Variants in KRT86 observed in about 807,000 individuals in gnomAD.
KRT86 encodes the protein keratin, type II cuticular Hb6.
Under a neutral mutation model 41.2 loss-of-function variants are expected in KRT86, and 30 were observed. That is an observed-to-expected ratio of 0.73 (90% CI 0.54 to 0.99). The LOEUF is 0.99. Among genes scored for constraint, KRT86 ranks in the 50% least tolerant of loss-of-function variants. KRT86 has a pLI of 0.00. For synonymous variants in KRT86, 238 were observed against 238.1 expected, an observed-to-expected ratio of 1.00 and a Z score of 0.00; for missense variants, 561 against 571.4, an observed-to-expected ratio of 0.98 and a Z score of 0.19.
intron 2 of KRT86, chr12:52,301,700 TG>T: frequency 5.1e-6 from 2 of 390,578 alleles, no homozygotes; most frequent in Non-Finnish European, 7.0e-6. Flanking sequence ...TGGCTGCTTC[TG>T]GGCACCAATT....
At chr12:52,295,755 A>G (rs148579908) in intron 2 of KRT86, among the ~76,000 whole-genome samples, 156 of 152,292 alleles carry the variant, frequency 1.0e-3, no homozygotes, top group Middle Eastern at 3.4e-3. Context: ...CTCAATAAAT[A>G]TTTTTTGAAT....
chr12:52,287,650 C>T, intron 2 of KRT86: 1 of 1,613,952 alleles, frequency 6.2e-7, no homozygotes, highest in East Asian at 2.2e-5. Context: ...TGCGGTTCAG[C>T]TCATTGATCT....
intron 2 of KRT86, among the ~76,000 whole-genome samples, chr12:52,282,527 C>T (rs530678300): frequency 3.3e-5 from 5 of 152,354 alleles, no homozygotes; most frequent in Admixed American, 2.0e-4. Flanking sequence ...TGAGCCACCG[C>T]GCCCGGCCAA....
chr12:52,278,140 A>C (rs920655563), intron 2 of KRT86, among the ~76,000 whole-genome samples: 8 of 152,164 alleles, frequency 5.3e-5, no homozygotes, highest in Non-Finnish European at 1.2e-4. Flanking sequence ...CTCAGTAGAC[A>C]ACAGTAGGAG....
chr12:52,306,605 A>G, intron 9 of KRT86: 1 of 485,090 alleles, frequency 2.1e-6, no homozygotes, highest in South Asian at 2.3e-5. Flanking sequence ...CTGTAGCTGC[A>G]TGTGCTTCTC....
intron 9 of KRT86, among the ~76,000 whole-genome samples, chr12:52,307,592 G>C (rs1280478905): frequency 1.3e-5 from 2 of 152,234 alleles, no homozygotes; most frequent in African/African-American, 4.8e-5. Flanking sequence ...GCCCTGCCTT[G>C]TCATTGGATA....
At chr12:52,288,307 C>A (rs1233352940) in intron 2 of KRT86, 49 of 1,611,596 alleles carry the variant, frequency 3.0e-5, no homozygotes, top group Non-Finnish European at 4.0e-5. Context: ...ACTCCCACCC[C>A]CAACTCTCCT....
intron 2 of KRT86, among the ~76,000 whole-genome samples, chr12:52,299,818 A>G (rs988639533): frequency 5.9e-5 from 9 of 152,278 alleles, no homozygotes; most frequent in African/African-American, 2.2e-4. Context: ...GAGTTGTTTG[A>G]GTTCCTTATA....
At chr12:52,301,361 T>C (rs193183064) in intron 2 of KRT86, among the ~76,000 whole-genome samples, 1 of 152,120 alleles carries the variant, frequency 6.6e-6, no homozygotes, top group African/African-American at 2.4e-5. Context: ...TCTGTAAACG[T>C]GGGTCTTTTG....
At chr12:52,296,567 C>G (rs1235603657) in intron 2 of KRT86, among the ~76,000 whole-genome samples, 1 of 152,194 alleles carries the variant, frequency 6.6e-6, no homozygotes, top group Non-Finnish European at 1.5e-5. Flanking sequence ...GGCCTTCTGG[C>G]CCTTTGTCCA....
At position 52,308,254 on chromosome 12, in the gene KRT86, G is replaced by T; in HGVS notation, c.1269G>T (p.Ser423=). The change falls in exon 10 of 11, where the codon TCG becomes TCT. Residue 423 remains serine (S), a synonymous_variant. Coordinates refer to ENST00000423955, the MANE Select transcript of KRT86 (RefSeq NM_001320198.2). ...GCAGGCTGTGCGAGGGCGTCGGCTCGGTGAATGTCTGTAAGTAGTGGGGTC... is the reference window on the plus strand; with the variant it reads ...GCAGGCTGTGCGAGGGCGTCGGCTCTGTGAATGTCTGTAAGTAGTGGGGTC... The part of the protein sequence containing the change: ...EEQRLCEGVG[S]VNVCVSSSRG... 4.3e-6 allele frequency: 7 copies of T among 1,614,202 alleles called. No individual in the cohort carries two copies. The highest frequency in any genetic ancestry group is 5.9e-6 in the Non-Finnish European group (7 of 1,180,046).
At chr12:52,292,741 G>A (rs1938160059) in intron 2 of KRT86, among the ~76,000 whole-genome samples, 1 of 152,054 alleles carries the variant, frequency 6.6e-6, no homozygotes, top group South Asian at 2.1e-4. Flanking sequence ...GGCTGGATTA[G>A]GTTTAAATTA....
Position 52,275,802 on chromosome 12 carries a change from T to C in KRT86, c.-130-19T>C. 1.0e-6 allele frequency: 1 copy of C among 985,378 alleles called. No individual in the cohort carries two copies. The highest frequency in any genetic ancestry group is 1.2e-6 in the Non-Finnish European group (1 of 829,470). The allele number at this position is 985,378 out of a possible 1,614,324, so 61.0% of individuals were successfully genotyped here. On this transcript the variant is annotated intron_variant, in intron 1 of 10. Coordinates refer to ENST00000423955, the MANE Select transcript of KRT86 (RefSeq NM_001320198.2). ...CCTCACCTCCTGACTACAGCTCCCC[T>C]CTGCCGTCTGCTCCACAGTGTGAGG...
chr12:52,286,366 C>G (rs771840321), intron 2 of KRT86: 2 of 1,555,182 alleles, frequency 1.3e-6, no homozygotes, highest in Non-Finnish European at 1.7e-6. Flanking sequence ...GGCCGCAGGG[C>G]GCACACAGGC....
In KRT86 at chr12:52,288,072, A is replaced by C. The variant is rs144356330; in HGVS notation, c.-5+12126A>C. On this transcript the variant is annotated intron_variant, in intron 2 of 10. Transcript: ENST00000423955. ...CTTAATCTCGGCAATGATGCAGTCCATGTTCAGGTCCCGGCTGTTGTCCAG... is the reference window on the plus strand; with the variant it reads ...CTTAATCTCGGCAATGATGCAGTCCCTGTTCAGGTCCCGGCTGTTGTCCAG... 7.5e-5 allele frequency: 121 copies of C among 1,614,174 alleles called. No individual in the cohort carries two copies. In the East Asian group the frequency reaches 2.6e-3, roughly 34 times the overall value.
In KRT86 at chr12:52,302,108, C is replaced by G; in HGVS notation, c.192C>G (p.Gly64=). ...CCGGCTCCTGCGGACGCAGCTTCGG[C>G]TACCGCTCCGGGGGCGTGTGCGGGC... ...FRAGSCGRSF[G]YRSGGVCGPS... Residue 64 remains glycine, a synonymous_variant, in exon 3 of 11, where the codon GGC becomes GGG. Transcript: ENST00000423955. 6.4e-7 allele frequency: 1 copy of G among 1,565,498 alleles called. No homozygotes were observed. Among genetic ancestry groups the G allele is most frequent in the Non-Finnish European group, 8.6e-7 (1 of 1,157,134 alleles).
rs1313224521 is a variant in KRT86 at position 52,291,115 on chromosome 12, G to A, written c.-4-10798G>A. The A allele has an allele frequency of 9.7e-6, 8 of 826,404 alleles. No homozygotes were observed. The East Asian group carries it at 2.0e-4, about 21-fold the overall frequency. 51.2% of individuals were successfully genotyped at this position (826,404 alleles called of 1,614,324 possible). A position where few individuals can be genotyped will look rare whatever the true frequency, so the allele number is the denominator to read the frequency against. Reference sequence around the variant, plus strand: ...CACCCACCTTGTCGATGAAGGCCGCGAACCTGCTGTTGAGGGACTTGATCT... The same window carrying A: ...CACCCACCTTGTCGATGAAGGCCGCAAACCTGCTGTTGAGGGACTTGATCT... On this transcript the variant is annotated intron_variant, in intron 2 of 10. Transcript: ENST00000423955.
At chr12:52,291,567 G>T in intron 2 of KRT86, 3 of 1,523,408 alleles carry the variant, frequency 2.0e-6, no homozygotes, top group Admixed American at 2.0e-5. Flanking sequence ...CTATTTATGC[G>T]CAGATTCTGA....
At position 52,291,330 on chromosome 12, in the gene KRT86, C is replaced by T. The variant is rs1400310122; in HGVS notation, c.-4-10583C>T. 1.9e-6 allele frequency: 3 copies of T among 1,555,806 alleles called. No individual in the cohort carries two copies. Among genetic ancestry groups the T allele is most frequent in the Non-Finnish European group, 8.7e-7 (1 of 1,151,676 alleles). The stretch of plus-strand genomic sequence containing the variant: ...AAGCCTCCGCACACGCTGTGGCTGC[C>T]GAAGCCCCCGGTGAGGCCGCGGTAG... On this transcript the variant is annotated intron_variant, in intron 2 of 10. Transcript: ENST00000423955.
Sources: gnomAD v4.1 joint callset for allele counts (sites outside exome capture counted in the v4.1 genomes callset) on GRCh38, gnomAD v4.1.1 for gene constraint, MANE v1.5 for transcripts, NCBI Gene and HGNC (gene_info 2026-07-23, HGNC 2026-07-21) for gene names.